DMD: variants seen among roughly 807,000 people sequenced by gnomAD.
DMD encodes the protein dystrophin.
In DMD, 63 loss-of-function variants were observed where a neutral mutation model predicts 330.1. That is an observed-to-expected ratio of 0.19 (90% CI 0.16 to 0.24). DMD has a LOEUF of 0.24. Ranked by LOEUF, DMD falls within the 10% of genes least tolerant of loss-of-function variation. DMD has a pLI of 1.00. For missense variants in DMD, 3,344 were observed against 2,684.1 expected (o/e 1.25, Z -5.43); for synonymous variants, 1,223 against 959.8 (o/e 1.27, Z -5.07).
chrX:32,469,866 C>A (rs1386478210), intron 22 of DMD, among the ~76,000 whole-genome samples: 1 of 111,232 alleles, frequency 9.0e-6, no homozygotes, highest in Non-Finnish European at 1.9e-5. Flanking sequence ...ATCCCTCAAT[C>A]AATCAATATC....
At chrX:32,036,166 C>T (rs1304799416) in intron 44 of DMD, among the ~76,000 whole-genome samples, 1 of 111,474 alleles carries the variant, frequency 9.0e-6, no homozygotes, top group South Asian at 3.7e-4. Context: ...GGCTTTTAGG[C>T]AGAAAATGAA....
intron 30 of DMD, among the ~76,000 whole-genome samples, chrX:32,409,599 G>C (rs1171693434): frequency 9.0e-6 from 1 of 111,539 alleles, no homozygotes; most frequent in Non-Finnish European, 1.9e-5. Flanking sequence ...TAGTATAATA[G>C]CTTTGCCTAT....
At chrX:33,189,616 C>T (rs921303663) in intron 1 of DMD, among the ~76,000 whole-genome samples, 5 of 110,079 alleles carry the variant, frequency 4.5e-5, no homozygotes, top group African/African-American at 1.7e-4. Flanking sequence ...CCTGACAACA[C>T]GAAAGCATGG....
intron 43 of DMD, among the ~76,000 whole-genome samples, chrX:32,245,075 T>C (rs199766657): frequency 1.3e-3 from 96 of 74,715 alleles, no homozygotes; most frequent in East Asian, 6.6e-3. Flanking sequence ...GGTTTTCTTC[T>C]AGGGTTTTTA....
At chrX:33,008,805 T>C (rs868391355) in intron 2 of DMD, among the ~76,000 whole-genome samples, 2 of 85,406 alleles carry the variant, frequency 2.3e-5, no homozygotes, top group African/African-American at 5.7e-5. Flanking sequence ...TATATATACG[T>C]ATATATACAC....
At chrX:31,790,632 G>A (rs1309177137) in intron 50 of DMD, among the ~76,000 whole-genome samples, 1 of 110,899 alleles carries the variant, frequency 9.0e-6, no homozygotes, top group Non-Finnish European at 1.9e-5. Context: ...AAGTTGGGAA[G>A]GGATTTATCT....
intron 45 of DMD, among the ~76,000 whole-genome samples, chrX:31,951,159 GTATA>G (rs747836033): frequency 2.8e-5 from 2 of 71,712 alleles, no homozygotes; most frequent in African/African-American, 5.6e-5. Flanking sequence ...ATATATATAT[GTATA>G]TATATATATA....
chrX:31,311,664 GT>G (rs202007017), intron 62 of DMD, among the ~76,000 whole-genome samples: 14 of 107,922 alleles, frequency 1.3e-4, no homozygotes, highest in Middle Eastern at 4.8e-3. Flanking sequence ...ATTTAAAACA[GT>G]TTTTTTTTTA....
chrX:32,740,410 G>A lies in DMD; in HGVS notation c.650-41117C>T, dbSNP rs147720125. On this transcript the variant is annotated intron_variant, in intron 7 of 78. Coordinates refer to ENST00000357033, the MANE Select transcript of DMD (RefSeq NM_004006.3). ...GTATCAACAGATTTATGGTATCTAT[G>A]GAAGAGGAAAACATGGGAATCACTA... Among the ~76,000 whole-genome samples, 301 of 110,330 alleles carry A rather than the reference G, an allele frequency of 2.7e-3. 1 individual carries two copies. The highest frequency in any genetic ancestry group is 8.8e-3 in the African/African-American group (267 of 30,349).
chrX:32,243,641 CTT>C (rs896189576), intron 43 of DMD, among the ~76,000 whole-genome samples: 2 of 111,657 alleles, frequency 1.8e-5, no homozygotes, highest in South Asian at 7.4e-4. Context: ...GTAGTGATGA[CTT>C]TTGTGCATCT....
intron 43 of DMD, among the ~76,000 whole-genome samples, chrX:32,255,643 AT>A (rs2097295479): frequency 8.9e-6 from 1 of 112,184 alleles, no homozygotes; most frequent in African/African-American, 3.2e-5. Context: ...TAGAAACAGG[AT>A]AATTTTATTC....
intron 4 of DMD, among the ~76,000 whole-genome samples, chrX:32,836,169 T>A (rs2079606597): frequency 9.4e-6 from 1 of 106,475 alleles, no homozygotes; most frequent in Admixed American, 1.0e-4. Flanking sequence ...GTAGCTGGAA[T>A]TACAGGCGCC....
intron 2 of DMD, among the ~76,000 whole-genome samples, chrX:33,009,439 C>T (rs1360299001): frequency 3.9e-5 from 1 of 25,882 alleles, no homozygotes; most frequent in Admixed American, 3.5e-4. Flanking sequence ...TATGTGTATA[C>T]ACATATGTAT....
intron 44 of DMD, among the ~76,000 whole-genome samples, chrX:32,159,742 T>TGGGGAAAGAG (rs984979101): frequency 1.8e-5 from 2 of 111,617 alleles, no homozygotes; most frequent in African/African-American, 6.5e-5. Context: ...AAGCTCAAAA[T>TGGGGAAAGAG]GGGGAAAGAG....
intron 1 of DMD, among the ~76,000 whole-genome samples, chrX:33,220,529 C>T (rs2052155534): frequency 8.9e-6 from 1 of 111,800 alleles, no homozygotes; most frequent in African/African-American, 3.3e-5. Flanking sequence ...GAGCATGCAG[C>T]TTTACTCCCT....
At chrX:32,263,980 A>G (rs1357569957) in intron 43 of DMD, among the ~76,000 whole-genome samples, 1 of 112,000 alleles carries the variant, frequency 8.9e-6, no homozygotes, top group Non-Finnish European at 1.9e-5. Context: ...ATGTCTACAA[A>G]TTTCTTCAAT....
intron 2 of DMD, among the ~76,000 whole-genome samples, chrX:33,009,200 G>A (rs938461099): frequency 8.5e-5 from 4 of 47,304 alleles, no homozygotes; most frequent in African/African-American, 3.4e-4. Flanking sequence ...ATGTATATAT[G>A]TGTATATATA....
At chrX:32,650,765 A>G (rs2060096207) in intron 9 of DMD, among the ~76,000 whole-genome samples, 1 of 112,293 alleles carries the variant, frequency 8.9e-6, no homozygotes, top group Admixed American at 9.4e-5. Context: ...AGGATTTAGG[A>G]AAAATCATGG....
At chrX:33,133,982 T>A (rs778471752) in intron 1 of DMD, among the ~76,000 whole-genome samples, 1 of 112,124 alleles carries the variant, frequency 8.9e-6, no homozygotes, top group South Asian at 3.7e-4. Context: ...TGAAAATCTA[T>A]CTGGTTGGTT....
Sources: allele counts gnomAD v4.1 joint callset (sites outside exome capture counted in the v4.1 genomes callset), GRCh38; gene constraint gnomAD v4.1.1; transcripts MANE v1.5; gene names NCBI Gene and HGNC (gene_info 2026-07-23, HGNC 2026-07-21).